The following NMNAT2 variants were observed in gnomAD, a reference collection of about 807,000 sequenced individuals.
NMNAT2 encodes the protein nicotinamide nucleotide adenylyltransferase 2, also known as nicotinamide/nicotinic acid mononucleotide adenylyltransferase 2.
A neutral mutation model predicts 41.6 loss-of-function variants in NMNAT2; 11 were observed. The ratio of observed to expected loss-of-function variants is 0.26; its 90% confidence interval spans 0.17 to 0.44. The LOEUF (loss-of-function observed/expected upper bound fraction) is 0.44, where lower values mean the gene tolerates loss of function less well. NMNAT2 is among the 20% of genes least tolerant of loss of function. The probability of loss-of-function intolerance (pLI) is 1.00; values close to 1 mark genes in which losing one functional copy is unlikely to be tolerated. For missense variants in NMNAT2, 288 were observed against 407.7 expected (o/e 0.71, Z 2.53); for synonymous variants, 148 against 151.2 (o/e 0.98, Z 0.16).
rs542060423 is a variant in NMNAT2, at chr1:183,404,128, TCAC to T, written c.85+14052_85+14054del. ...TTTTTTTTTTTTTTTGAGATGGAGT[TCAC>T]ATCGTTGCTCAGGCTGGAGTGTGGT... On this transcript the variant is annotated intron_variant, in intron 1 of 10. Coordinates refer to ENST00000287713, the MANE Select transcript of NMNAT2 (RefSeq NM_015039.4). Among the ~76,000 whole-genome samples, 224 of 147,042 alleles carry T rather than the reference TCAC, an allele frequency of 1.5e-3. 3 individuals are homozygous for T. The highest frequency in any genetic ancestry group is 5.3e-3 in the African/African-American group (216 of 40,532).
rs1204841653 is a variant in NMNAT2, at chr1:183,284,105, G to A, written c.530-66C>T. 3.5e-6 allele frequency: 5 copies of A among 1,410,032 alleles called. No individual in the cohort carries two copies. The African/African-American group carries it at 7.0e-5, about 20-fold the overall frequency. The allele number at this position is 1,410,032 out of a possible 1,614,324, so 87.3% of individuals were successfully genotyped here. On this transcript the variant is annotated intron_variant, in intron 6 of 10. Transcript: ENST00000287713. ...CTTCCTGGTACCCAACACACAGTCT[G>A]CCTGAGGGCCTCAGCAGGAATTATT...
intron 2 of NMNAT2, 107 bp from the exon 3 acceptor site, chr1:183,292,964 G>T: frequency 1.0e-6 from 1 of 998,562 alleles, no homozygotes; most frequent in Non-Finnish European, 1.6e-6. Context: ...ATTTTTCAGT[G>T]GTGAGAGGGA....
At chr1:183,415,589 C>T (rs1008266504) in intron 1 of NMNAT2, among the ~76,000 whole-genome samples, 1 of 152,222 alleles carries the variant, frequency 6.6e-6, no homozygotes, top group African/African-American at 2.4e-5. Flanking sequence ...AGGCTCAAGT[C>T]TCAGTGCCAC....
At chr1:183,369,439 G>A (rs1411781133) in intron 1 of NMNAT2, among the ~76,000 whole-genome samples, 1 of 151,768 alleles carries the variant, frequency 6.6e-6, no homozygotes, top group African/African-American at 2.4e-5. Flanking sequence ...ACCATGCCCA[G>A]CTAATCTTTT....
intron 8 of NMNAT2, among the ~76,000 whole-genome samples, chr1:183,276,507 T>C (rs1011436419): frequency 2.0e-5 from 3 of 152,176 alleles, no homozygotes; most frequent in Non-Finnish European, 2.9e-5. Flanking sequence ...GGGATTGGCC[T>C]GCAGCAAGGC....
chr1:183,328,444 C>G (rs1010052834), intron 1 of NMNAT2, among the ~76,000 whole-genome samples: 3 of 152,210 alleles, frequency 2.0e-5, no homozygotes, highest in Non-Finnish European at 4.4e-5. Flanking sequence ...GCCTCCCTAC[C>G]ATTCCTCCTT....
intron 1 of NMNAT2, among the ~76,000 whole-genome samples, chr1:183,380,896 T>A (rs1024383031): frequency 3.3e-5 from 5 of 152,086 alleles, no homozygotes; most frequent in Admixed American, 2.0e-4. Flanking sequence ...TGCAGGTAAT[T>A]GGGAGCCAGA....
chr1:183,261,088 G>C lies in NMNAT2; in HGVS notation c.754-19C>G, dbSNP rs1313502385. ...TGTTGTTCTGAGGACAGAGCAGACA[G>C]AGTCAGTTGCCAGTCCCTCCCACTA... is the stretch of plus-strand genomic sequence containing the variant. On this transcript the variant is annotated intron_variant, in intron 9 of 10. Transcript: ENST00000287713. The C allele has an allele frequency of 3.1e-6, 5 of 1,611,912 alleles. No individual in the cohort carries two copies. Among genetic ancestry groups the C allele is most frequent in the Middle Eastern group, 1.7e-4 (1 of 6,058 alleles).
At chr1:183,361,066 T>C (rs1663297245) in intron 1 of NMNAT2, among the ~76,000 whole-genome samples, 1 of 152,220 alleles carries the variant, frequency 6.6e-6, no homozygotes, top group Admixed American at 6.5e-5. Flanking sequence ...TGAGCATGTA[T>C]GCATAAGAAG....
chr1:183,409,078 G>A (rs1208458934), intron 1 of NMNAT2, among the ~76,000 whole-genome samples: 1 of 152,012 alleles, frequency 6.6e-6, no homozygotes, highest in Non-Finnish European at 1.5e-5. Flanking sequence ...AGCATTGGTG[G>A]GCACGGTGGC....
intron 1 of NMNAT2, among the ~76,000 whole-genome samples, chr1:183,387,191 T>C (rs1251868866): frequency 6.6e-6 from 1 of 151,352 alleles, no homozygotes. Flanking sequence ...TATTTTGAAA[T>C]TTCATCTACA....
chr1:183,401,762 G>T (rs1648814305), intron 1 of NMNAT2, among the ~76,000 whole-genome samples: 1 of 152,156 alleles, frequency 6.6e-6, no homozygotes. Context: ...CATGTCCTTT[G>T]TAGGGACATG....
chr1:183,409,842 T>A (rs1480668829), intron 1 of NMNAT2, among the ~76,000 whole-genome samples: 2 of 152,192 alleles, frequency 1.3e-5, no homozygotes, highest in Admixed American at 6.5e-5. Context: ...ACAAGGGCAT[T>A]CCAGTGAAGC....
At chr1:183,313,695 A>G (rs1005570906) in intron 1 of NMNAT2, among the ~76,000 whole-genome samples, 7 of 152,228 alleles carry the variant, frequency 4.6e-5, no homozygotes, top group African/African-American at 1.7e-4. Context: ...CATGTTGGCC[A>G]GGCTGGTCTC....
intron 1 of NMNAT2, among the ~76,000 whole-genome samples, chr1:183,381,900 G>A (rs1194216599): frequency 6.6e-6 from 1 of 152,126 alleles, no homozygotes; most frequent in African/African-American, 2.4e-5. Context: ...TCTTGTTCTA[G>A]ATCACATAGC....
chr1:183,266,704 G>A (rs151088649), intron 8 of NMNAT2: 5 of 192,556 alleles, frequency 2.6e-5, no homozygotes, highest in Non-Finnish European at 4.4e-5. Context: ...CATTTGAAGT[G>A]AGTCTTGCTA....
chr1:183,263,763 G>A (rs1571558521), intron 8 of NMNAT2, among the ~76,000 whole-genome samples: 1 of 152,168 alleles, frequency 6.6e-6, no homozygotes, highest in South Asian at 2.1e-4. Flanking sequence ...AGCTGAGATC[G>A]CGCCACTGCA....
At chr1:183,258,932 G>A (rs1469438370) in intron 10 of NMNAT2, among the ~76,000 whole-genome samples, 1 of 152,182 alleles carries the variant, frequency 6.6e-6, no homozygotes, top group African/African-American at 2.4e-5. Flanking sequence ...TGCTCAGGGA[G>A]ACTGATTTGA....
intron 1 of NMNAT2, among the ~76,000 whole-genome samples, chr1:183,337,937 G>C (rs1277325572): frequency 2.0e-5 from 3 of 152,082 alleles, no homozygotes; most frequent in South Asian, 2.1e-4. Flanking sequence ...TTGTCAGACT[G>C]TTTCTTTATT....
Sources: gnomAD v4.1 joint callset for allele counts (sites outside exome capture counted in the v4.1 genomes callset) on GRCh38, gnomAD v4.1.1 for gene constraint, MANE v1.5 for transcripts, NCBI Gene and HGNC (gene_info 2026-07-23, HGNC 2026-07-21) for gene names.